Variants in SLC19A1 observed in about 807,000 individuals in gnomAD.
SLC19A1 encodes the protein solute carrier family 19 member 1.
A neutral mutation model predicts 35.3 loss-of-function variants in SLC19A1; 37 were observed. That is an observed-to-expected ratio of 1.05 (90% confidence interval 0.81 to 1.38). The LOEUF (loss-of-function observed/expected upper bound fraction) is 1.38. SLC19A1 is among the 40% of genes most tolerant of loss of function. The pLI is 0.00. For missense variants in SLC19A1, 831 were observed against 826.9 expected, an observed-to-expected ratio of 1.00 and a Z score of -0.06; for synonymous variants, 460 against 398.5, an observed-to-expected ratio of 1.15 and a Z score of -1.84.
At chr21:45,503,987 A>AC (rs753479549) in intron 3 of SLC19A1, 146 of 1,612,772 alleles carry the variant, frequency 9.1e-5, no homozygotes, top group Middle Eastern at 1.7e-4. Flanking sequence ...CCTCAGCGAG[A>AC]CCCCGCCTGT....
At chr21:45,520,873 A>T (rs2077416792) in intron 5 of SLC19A1, among the ~76,000 whole-genome samples, 1 of 152,176 alleles carries the variant, frequency 6.6e-6, no homozygotes, top group Non-Finnish European at 1.5e-5. Context: ...ACATGAAATT[A>T]GCCAGGCATG....
rs759432126 is a variant in SLC19A1, at chr21:45,530,898, G to A, written c.1023C>T (p.Gly341=). 6.8e-6 allele frequency: 10 copies of A among 1,480,162 alleles called. No homozygotes were observed. The African/African-American group carries it at 8.8e-5, about 13-fold the overall frequency. 91.7% of individuals were successfully genotyped at this position (1,480,162 alleles called of 1,614,324 possible). A position where few individuals can be genotyped will look rare whatever the true frequency, so the allele number is the denominator to read the frequency against. The part of the protein sequence containing the change: ...WARWSKLLIA[G]VTATQAGLVF... ...CCAGCCCCGCCTGCGTGGCCGTGAC[G>A]CCCGCGATGAGCAGCTTGGACCAGC... The change falls in exon 4 of 6, where the codon GGC becomes GGT. Residue 341 remains glycine (G), a synonymous_variant. Transcript: ENST00000311124. The surrounding 1 kb of genome is among the most constrained non-coding windows in gnomAD (Gnocchi z 5.3).
intron 1 of SLC19A1, among the ~76,000 whole-genome samples, chr21:45,541,383 C>G (rs1488879912): frequency 6.6e-6 from 1 of 152,228 alleles, no homozygotes. Context: ...TGCGGGGATC[C>G]TCGGGTCTCC....
chr21:45,532,136 T>C lies in SLC19A1; in HGVS notation c.202A>G (p.Ile68Val). The change falls in exon 3 of 6, where the codon ATC becomes GTC. Residue 68 changes from isoleucine (I) to valine (V), a missense_variant. Coordinates refer to ENST00000311124, the MANE Select transcript of SLC19A1 (RefSeq NM_194255.4). Reference sequence around the variant, plus strand: ...TAGGAGTACGACAGCACCGGCGTGATCTCGTTCGTGACCTGCGGACAGGCG... The same window carrying C: ...TAGGAGTACGACAGCACCGGCGTGACCTCGTTCGTGACCTGCGGACAGGCG... ...NFTREQVTNE[I>V]TPVLSYSYLA... 1 of 1,599,920 alleles carries C rather than the reference T, an allele frequency of 6.3e-7. No individual in the cohort carries two copies.
At chr21:45,509,010 T>G (rs1035282102), downstream of SLC19A1, among the ~76,000 whole-genome samples, 5 of 151,818 alleles carry the variant, frequency 3.3e-5, no homozygotes, top group Non-Finnish European at 5.9e-5. Flanking sequence ...CCCTGGGAGA[T>G]TAGAAGGTCG....
chr21:45,527,410 G>A (rs1159794758), intron 4 of SLC19A1, among the ~76,000 whole-genome samples: 1 of 146,522 alleles, frequency 6.8e-6, no homozygotes, highest in Non-Finnish European at 1.5e-5. Context: ...GGCCCTGGAG[G>A]TGAGTGGCAG....
At chr21:45,511,449 C>T (rs1016493801), downstream of SLC19A1, among the ~76,000 whole-genome samples, 5 of 152,170 alleles carry the variant, frequency 3.3e-5, no homozygotes, top group Non-Finnish European at 7.3e-5. Context: ...AAGAAGGCCC[C>T]GAAGGTGCCC....
chr21:45,507,660 T>A, downstream of SLC19A1: 1 of 1,458,758 alleles, frequency 6.9e-7, no homozygotes. Context: ...TGCTGTCCCC[T>A]GTTTGAGGAA....
At position 45,517,547 on chromosome 21, in the gene SLC19A1, G is replaced by A. The variant is rs967176912; in HGVS notation, c.1294-1407C>T. On this transcript the variant is annotated intron_variant, in intron 5 of 5. Transcript: ENST00000311124. The surrounding 1 kb of genome is among the most constrained non-coding windows in gnomAD (Gnocchi z 4.4). ...ACCCCCAAAGCCTCATGGAGTCAGTGGAGACCATGTGGGGAGCCTAGTCAC... is the reference window on the plus strand; with the variant it reads ...ACCCCCAAAGCCTCATGGAGTCAGTAGAGACCATGTGGGGAGCCTAGTCAC... Among the ~76,000 whole-genome samples the A allele has an allele frequency of 1.1e-4, 16 of 150,072 alleles. No homozygotes were observed. Among genetic ancestry groups the A allele is most frequent in the African/African-American group, 4.0e-4 (16 of 39,598 alleles).
intron 2 of SLC19A1, among the ~76,000 whole-genome samples, chr21:45,532,940 C>G (rs138827258): frequency 1.3e-5 from 2 of 152,198 alleles, no homozygotes; most frequent in African/African-American, 4.8e-5. Context: ...GGGAACCCGG[C>G]AGGGGAAGAA....
At chr21:45,551,469 G>A (rs939891131) in intron 1 of SLC19A1, among the ~76,000 whole-genome samples, 2 of 152,144 alleles carry the variant, frequency 1.3e-5, no homozygotes, top group Admixed American at 6.5e-5. Flanking sequence ...GCCCATGGAC[G>A]CTGTGTCACT....
rs2037735846 is a variant in SLC19A1 at position 45,513,624 on chromosome 21, C to T, written c.*2034G>A. 6.6e-6 allele frequency: 1 copy of T among 152,264 alleles called. No homozygotes were observed. Among genetic ancestry groups the T allele is most frequent in the Non-Finnish European group, 1.5e-5 (1 of 68,052 alleles). The allele number at this position is 152,264 out of a possible 1,614,324, so 9.4% of individuals were successfully genotyped here. ...CCACAGCACAGCCAACACGCACCTG[C>T]CTCAGGACTGCGACGAAACCGGTGG... On this transcript the variant is annotated 3_prime_UTR_variant, in exon 6 of 6. Coordinates refer to ENST00000311124, the MANE Select transcript of SLC19A1 (RefSeq NM_194255.4).
At chr21:45,505,238 C>A (rs556902369) in intron 3 of SLC19A1, 3 of 1,598,608 alleles carry the variant, frequency 1.9e-6, no homozygotes, top group Non-Finnish European at 1.7e-6. Flanking sequence ...GCCCCCCAGG[C>A]CCCCCAGGGC....
downstream of SLC19A1, chr21:45,509,984 G>A (rs931394748): frequency 3.0e-5 from 44 of 1,471,822 alleles, no homozygotes; most frequent in Admixed American, 3.5e-4. Flanking sequence ...ACACAGGTGC[G>A]GGGCCGGGGT....
chr21:45,561,113 A>G (rs1164457784), intron 1 of SLC19A1, among the ~76,000 whole-genome samples: 2 of 152,216 alleles, frequency 1.3e-5, no homozygotes, highest in South Asian at 2.1e-4. Context: ...GCACTTGGAG[A>G]GAGCAAATGT....
chr21:45,527,101 A>G (rs1167734785), intron 4 of SLC19A1, among the ~76,000 whole-genome samples: 1 of 152,288 alleles, frequency 6.6e-6, no homozygotes, highest in African/African-American at 2.4e-5. Context: ...AGAGCAGTGA[A>G]ACCACAGAGT....
chr21:45,512,135 T>C, downstream of SLC19A1: 3 of 1,568,662 alleles, frequency 1.9e-6, no homozygotes, highest in Non-Finnish European at 2.6e-6. Flanking sequence ...GAGCGGCCTC[T>C]GCCCTAAGCA....
intron 4 of SLC19A1, among the ~76,000 whole-genome samples, chr21:45,529,603 G>A (rs907515398): frequency 2.5e-4 from 6 of 23,926 alleles, no homozygotes; most frequent in South Asian, 3.2e-3. Flanking sequence ...ATGTGTGAGC[G>A]TGTGTCCATG....
chr21:45,556,574 A>T (rs1323169771), intron 1 of SLC19A1, among the ~76,000 whole-genome samples: 1 of 152,256 alleles, frequency 6.6e-6, no homozygotes, highest in African/African-American at 2.4e-5. Context: ...ACTAATTAAA[A>T]CTAACTGAAT....
Sources: allele counts gnomAD v4.1 joint callset (sites outside exome capture counted in the v4.1 genomes callset), GRCh38; gene constraint gnomAD v4.1.1; non-coding constraint Gnocchi (gnomAD v3.1); transcripts MANE v1.5; gene names NCBI Gene and HGNC (gene_info 2026-07-23, HGNC 2026-07-21).